DLGAP1: variants seen among roughly 807,000 people sequenced by gnomAD.
The protein encoded by DLGAP1 is DLG associated protein 1, also known as disks large-associated protein 1.
DLGAP1 carries 11 observed loss-of-function variants against 90.8 expected under a neutral mutation model. The ratio of observed to expected loss-of-function variants is 0.12; its 90% CI spans 0.08 to 0.20. The LOEUF is 0.20. DLGAP1 is among the 10% of genes least tolerant of loss of function. The pLI, the probability that DLGAP1 is intolerant of heterozygous loss-of-function variation, is 1.00. For missense variants in DLGAP1, 1,050 were observed against 1,333.8 expected, an observed-to-expected ratio of 0.79 and a Z score of 3.31; for synonymous variants, 558 against 540.7, an observed-to-expected ratio of 1.03 and a Z score of -0.44.
chr18:4,422,467 T>A (rs561479707), intron 1 of DLGAP1, among the ~76,000 whole-genome samples: 30 of 151,968 alleles, frequency 2.0e-4, no homozygotes, highest in African/African-American at 7.2e-4. Flanking sequence ...GGTTTAAATG[T>A]TGTGCAGTGA....
intron 1 of DLGAP1, among the ~76,000 whole-genome samples, chr18:4,331,708 C>T (rs1017982860): frequency 2.6e-5 from 4 of 151,866 alleles, no homozygotes; most frequent in African/African-American, 9.7e-5. Flanking sequence ...CACCACACTT[C>T]GGTTCCTCCT....
chr18:3,810,714 T>C (rs538114632), intron 5 of DLGAP1, among the ~76,000 whole-genome samples: 111 of 152,272 alleles, frequency 7.3e-4, no homozygotes, highest in African/African-American at 2.6e-3. Context: ...AAAGACAGAA[T>C]TGATTATGAG....
chr18:3,722,855 T>C (rs139952343), intron 7 of DLGAP1, among the ~76,000 whole-genome samples: 6 of 152,308 alleles, frequency 3.9e-5, no homozygotes, highest in African/African-American at 1.4e-4. Context: ...AGGATCAGCA[T>C]TGTAATCTCA....
chr18:4,125,392 G>C (rs1292905967), intron 2 of DLGAP1, among the ~76,000 whole-genome samples: 1 of 152,134 alleles, frequency 6.6e-6, no homozygotes, highest in East Asian at 1.9e-4. Flanking sequence ...AACAGATGCA[G>C]AGCAATTCAC....
chr18:3,651,716 T>C (rs2059312091), intron 7 of DLGAP1, among the ~76,000 whole-genome samples: 1 of 151,852 alleles, frequency 6.6e-6, no homozygotes, highest in African/African-American at 2.4e-5. Context: ...CTCACGCCTG[T>C]AATCCCAGCA....
At chr18:3,938,047 T>C (rs1427938006) in intron 3 of DLGAP1, among the ~76,000 whole-genome samples, 1 of 152,204 alleles carries the variant, frequency 6.6e-6, no homozygotes, top group Non-Finnish European at 1.5e-5. Context: ...CACAGTGAAT[T>C]TGAAACAACA....
At chr18:3,621,551 T>G (rs73381284) in intron 7 of DLGAP1, among the ~76,000 whole-genome samples, 8,056 of 152,308 alleles carry the variant, frequency 0.053, 694 homozygotes, top group African/African-American at 0.18. Flanking sequence ...GGGGGCCAAC[T>G]GTTCAAACCG....
chr18:3,512,886 A>G (rs1431053448), intron 10 of DLGAP1, among the ~76,000 whole-genome samples: 3 of 152,188 alleles, frequency 2.0e-5, no homozygotes, highest in African/African-American at 7.2e-5. Context: ...AGAACACTTA[A>G]CATGAAATCT....
chr18:4,128,139 C>T (rs890958655), intron 2 of DLGAP1, among the ~76,000 whole-genome samples: 1 of 152,026 alleles, frequency 6.6e-6, no homozygotes, highest in African/African-American at 2.4e-5. Flanking sequence ...GTTCAACATC[C>T]GTGGATACAA....
At chr18:4,434,478 C>A (rs116784933) in intron 1 of DLGAP1, among the ~76,000 whole-genome samples, 2 of 152,184 alleles carry the variant, frequency 1.3e-5, no homozygotes, top group African/African-American at 4.8e-5. Context: ...ACAGCCTGCA[C>A]GTTACTCTCT....
chr18:3,918,456 A>G lies in DLGAP1; in HGVS notation c.-72-38316T>C, dbSNP rs553416339. ...TTCCAGGCTGTTTTTAACATATAAA[A>G]GTTAGGTGAGAAGAGATAGAAACCA... On this transcript the variant is annotated intron_variant, in intron 3 of 12. Coordinates refer to ENST00000315677, the MANE Select transcript of DLGAP1 (RefSeq NM_004746.4). 3.5e-4 allele frequency among the ~76,000 whole-genome samples: 54 copies of G among 152,230 alleles called. 1 individual carries two copies. Among genetic ancestry groups the G allele is most frequent in the Admixed American group, 3.9e-4 (6 of 15,280 alleles).
chr18:4,428,548 C>T (rs280991), intron 1 of DLGAP1, among the ~76,000 whole-genome samples: 72,291 of 151,894 alleles, frequency 0.48, 18,495 homozygotes, highest in East Asian at 0.6. Context: ...CATCACTGCA[C>T]TCCAGCCTGG....
chr18:4,072,294 G>GA (rs2075459913), intron 2 of DLGAP1, among the ~76,000 whole-genome samples: 1 of 56,812 alleles, frequency 1.8e-5, no homozygotes, highest in African/African-American at 6.1e-5. Context: ...TGGTAATGAT[G>GA]AAACTTTTTT....
intron 1 of DLGAP1, among the ~76,000 whole-genome samples, chr18:4,179,869 C>T (rs1184089029): frequency 6.6e-6 from 1 of 152,174 alleles, no homozygotes; most frequent in African/African-American, 2.4e-5. Context: ...GGCACTTTAC[C>T]TCTCTGATCT....
At chr18:3,836,412 A>T (rs1334960350) in intron 4 of DLGAP1, among the ~76,000 whole-genome samples, 1 of 152,210 alleles carries the variant, frequency 6.6e-6, no homozygotes, top group Non-Finnish European at 1.5e-5. Flanking sequence ...ACTATGCAAC[A>T]TTTTAATCTT....
chr18:3,757,433 T>C (rs2063762119), intron 5 of DLGAP1, among the ~76,000 whole-genome samples: 1 of 151,788 alleles, frequency 6.6e-6, no homozygotes, highest in South Asian at 2.1e-4. Context: ...AATAAATAAA[T>C]GGTGCAAGGA....
At chr18:4,346,658 C>T (rs1034093670) in intron 1 of DLGAP1, among the ~76,000 whole-genome samples, 3 of 152,072 alleles carry the variant, frequency 2.0e-5, no homozygotes, top group African/African-American at 4.8e-5. Flanking sequence ...GATCTTCTGG[C>T]CTTTTTCACA....
At chr18:3,863,238 G>A (rs1198425818) in intron 4 of DLGAP1, among the ~76,000 whole-genome samples, 1 of 152,120 alleles carries the variant, frequency 6.6e-6, no homozygotes, top group Non-Finnish European at 1.5e-5. Flanking sequence ...CAGAGAACTA[G>A]ACTACCTGAT....
rs1598308571 is a variant in DLGAP1 at position 4,051,953 on chromosome 18, T to G, written c.-158-46752A>C. Reference sequence around the variant, plus strand: ...GTCATTAAACCTTAAAGTTCCAAAATGATCTTCTTTGACTCCATGTCTCAC... The same window carrying G: ...GTCATTAAACCTTAAAGTTCCAAAAGGATCTTCTTTGACTCCATGTCTCAC... On this transcript the variant is annotated intron_variant, in intron 2 of 12. Transcript: ENST00000315677. Among the ~76,000 whole-genome samples the G allele has an allele frequency of 2.0e-5, 3 of 152,344 alleles. No homozygotes were observed. In the South Asian group the frequency reaches 6.2e-4, roughly 32 times the overall value.
Sources: allele counts gnomAD v4.1 joint callset (sites outside exome capture counted in the v4.1 genomes callset), GRCh38; gene constraint gnomAD v4.1.1; transcripts MANE v1.5; gene names NCBI Gene and HGNC (gene_info 2026-07-23, HGNC 2026-07-21).